Variants in RORA observed in about 807,000 individuals in gnomAD.
The protein encoded by RORA is nuclear receptor ROR-alpha.
RORA carries 7 observed loss-of-function variants against 69.5 expected under a neutral mutation model. The ratio of observed to expected loss-of-function variants is 0.10; its 90% confidence interval spans 0.06 to 0.19. RORA has a LOEUF of 0.19. Ranked by LOEUF, RORA falls within the 10% of genes least tolerant of loss-of-function variation. RORA has a pLI of 1.00. For synonymous variants in RORA, 261 were observed against 240.8 expected (o/e 1.08, Z -0.78); for missense variants, 457 against 663.0 (o/e 0.69, Z 3.41).
chr15:60,523,235 T>C (rs1359769858), intron 3 of RORA, among the ~76,000 whole-genome samples: 3 of 152,204 alleles, frequency 2.0e-5, no homozygotes, highest in Admixed American at 2.0e-4. Context: ...AGTTCCAAAA[T>C]GTCTTCGTTG....
intron 1 of RORA, among the ~76,000 whole-genome samples, chr15:60,928,851 C>T (rs1479122464): frequency 6.6e-6 from 1 of 152,204 alleles, no homozygotes; most frequent in African/African-American, 2.4e-5. Context: ...CTGGAAGGTG[C>T]CAGACAGCAT....
intron 2 of RORA, among the ~76,000 whole-genome samples, chr15:60,578,276 C>T (rs771266595): frequency 1.3e-5 from 2 of 152,164 alleles, no homozygotes; most frequent in African/African-American, 2.4e-5. Flanking sequence ...GATTTTGACA[C>T]ATTTCATTAT....
intron 1 of RORA, among the ~76,000 whole-genome samples, chr15:60,902,810 C>A (rs556564766): frequency 6.6e-6 from 1 of 152,094 alleles, no homozygotes; most frequent in South Asian, 2.1e-4. Context: ...TCAGCTCTCA[C>A]GAGCTGACTC....
intron 1 of RORA, among the ~76,000 whole-genome samples, chr15:60,943,207 G>A (rs949401483): frequency 1.3e-5 from 2 of 152,070 alleles, no homozygotes; most frequent in East Asian, 1.9e-4. Context: ...AGGATGCTGG[G>A]GCAAAAACCA....
intron 10 of RORA, 70 bp from the exon 11 acceptor site, chr15:60,497,689 A>G: frequency 2.5e-6 from 3 of 1,195,498 alleles, no homozygotes; most frequent in Non-Finnish European, 3.7e-6. Context: ...GGGAACCTGA[A>G]TGATCTTTAT....
At chr15:60,627,878 T>C (rs1013720055) in intron 2 of RORA, among the ~76,000 whole-genome samples, 3 of 152,208 alleles carry the variant, frequency 2.0e-5, no homozygotes, top group Admixed American at 6.5e-5. Flanking sequence ...ACCCTTATCA[T>C]ACTGAGTTGC....
chr15:60,882,678 C>A (rs1424015472), intron 1 of RORA, among the ~76,000 whole-genome samples: 1 of 151,932 alleles, frequency 6.6e-6, no homozygotes. Context: ...CACAAACACA[C>A]ACACACGGTC....
chr15:61,015,062 G>C (rs1415723823), intron 1 of RORA, among the ~76,000 whole-genome samples: 1 of 152,168 alleles, frequency 6.6e-6, no homozygotes, highest in Non-Finnish European at 1.5e-5. Flanking sequence ...TTAAACTACC[G>C]CAAAATAAGA....
intron 1 of RORA, among the ~76,000 whole-genome samples, chr15:60,837,816 A>C (rs1379609451): frequency 6.6e-6 from 1 of 152,022 alleles, no homozygotes; most frequent in Non-Finnish European, 1.5e-5. Context: ...AAAAACAAAA[A>C]CCTGGATATT....
intron 7 of RORA, 41 bp from the exon 8 acceptor site, chr15:60,502,908 T>A: frequency 7.8e-7 from 1 of 1,282,188 alleles, no homozygotes; most frequent in Non-Finnish European, 1.1e-6. Context: ...TTGGGTCATC[T>A]GATGTTAGTG....
chr15:61,122,332 A>G (rs1433018781), intron 1 of RORA, among the ~76,000 whole-genome samples: 6 of 152,204 alleles, frequency 3.9e-5, no homozygotes, highest in African/African-American at 1.4e-4. Context: ...GAAAAGGGGC[A>G]GTTTTGGAAA....
chr15:60,594,006 A>ATT (rs2068612819), intron 2 of RORA, among the ~76,000 whole-genome samples: 1 of 152,216 alleles, frequency 6.6e-6, no homozygotes, highest in African/African-American at 2.4e-5. Flanking sequence ...AGGTCAATAA[A>ATT]GTTCGTTGTC....
Position 60,720,075 on chromosome 15 carries a change from G to A in RORA, c.167-41389C>T, listed in dbSNP as rs118065339. Among the ~76,000 whole-genome samples the A allele has an allele frequency of 1.4e-4, 21 of 152,172 alleles. No individual in the cohort carries two copies. The East Asian group carries it at 3.3e-3, about 24-fold the overall frequency. The stretch of plus-strand genomic sequence containing the variant: ...TAGAAAGAGGCGGCATTTTGAAGAC[G>A]GAAGAAGCACTAAACAGGAAGCAGG... On this transcript the variant is annotated intron_variant, in intron 1 of 10. Coordinates refer to ENST00000335670, the MANE Select transcript of RORA (RefSeq NM_134261.3).
chr15:60,844,544 T>C (rs949004750), intron 1 of RORA, among the ~76,000 whole-genome samples: 5 of 152,190 alleles, frequency 3.3e-5, no homozygotes, highest in African/African-American at 7.2e-5. Flanking sequence ...TGCACACTTG[T>C]ATGCATGCAC....
chr15:60,524,383 C>T (rs1372966217), intron 3 of RORA, among the ~76,000 whole-genome samples: 1 of 152,176 alleles, frequency 6.6e-6, no homozygotes, highest in African/African-American at 2.4e-5. Context: ...TGCTGATGAC[C>T]AGGCAATGAC....
At chr15:61,214,485 C>T (rs546174446) in intron 1 of RORA, among the ~76,000 whole-genome samples, 2 of 152,120 alleles carry the variant, frequency 1.3e-5, no homozygotes, top group African/African-American at 2.4e-5. Flanking sequence ...ATTATATATA[C>T]GAAAGTTAAA....
chr15:60,569,403 T>C (rs2067814157), intron 2 of RORA, among the ~76,000 whole-genome samples: 1 of 152,110 alleles, frequency 6.6e-6, no homozygotes, highest in South Asian at 2.1e-4. Context: ...CACTCCAGCC[T>C]GTGAGACCCT....
At chr15:60,647,905 G>A (rs1021315820) in intron 2 of RORA, among the ~76,000 whole-genome samples, 1 of 152,168 alleles carries the variant, frequency 6.6e-6, no homozygotes, top group African/African-American at 2.4e-5. Flanking sequence ...TGGGTCAGCC[G>A]CAGGCATCAG....
At position 60,494,346 on chromosome 15, in the gene RORA, G is replaced by A. The variant is rs1250723365; in HGVS notation, c.*3109C>T. The A allele has an allele frequency of 6.6e-6, 1 of 152,148 alleles. No individual in the cohort carries two copies. The highest frequency in any genetic ancestry group is 1.9e-4 in the East Asian group (1 of 5,202). The allele number at this position is 152,148 out of a possible 1,614,324, so 9.4% of individuals were successfully genotyped here. ...CAGGCTTTGTACAAAAGCCTTATTT[G>A]CCTTATGTAAAAAAATTGTACAAAG... On this transcript the variant is annotated 3_prime_UTR_variant, in exon 11 of 11. Coordinates refer to ENST00000335670, the MANE Select transcript of RORA (RefSeq NM_134261.3).
Sources: gnomAD v4.1 joint callset for allele counts (sites outside exome capture counted in the v4.1 genomes callset) on GRCh38, gnomAD v4.1.1 for gene constraint, MANE v1.5 for transcripts, NCBI Gene and HGNC (gene_info 2026-07-23, HGNC 2026-07-21) for gene names.